Variants in ADGRB3 observed in about 807,000 individuals in gnomAD.
ADGRB3 encodes the protein brain-specific angiogenesis inhibitor 3.
A neutral mutation model predicts 193.4 loss-of-function variants in ADGRB3; 37 were observed. The observed-to-expected ratio is 0.19, with a 90% CI of 0.15 to 0.25. The LOEUF (loss-of-function observed/expected upper bound fraction) is 0.25. ADGRB3 is among the 10% of genes least tolerant of loss of function. The probability of loss-of-function intolerance (pLI) is 1.00; values close to 1 mark genes in which losing one functional copy is unlikely to be tolerated. For synonymous variants in ADGRB3, 690 were observed against 644.2 expected (o/e 1.07, Z -1.08); for missense variants, 1,637 against 1,852.9 (o/e 0.88, Z 2.14).
At chr6:69,312,478 T>C (rs949791155) in intron 20 of ADGRB3, among the ~76,000 whole-genome samples, 1 of 151,686 alleles carries the variant, frequency 6.6e-6, no homozygotes, top group Non-Finnish European at 1.5e-5. Context: ...GATTGGTACT[T>C]TTTTATAGAA....
chr6:69,156,669 T>A (rs748341881), intron 17 of ADGRB3, among the ~76,000 whole-genome samples: 1 of 152,164 alleles, frequency 6.6e-6, no homozygotes, highest in Non-Finnish European at 1.5e-5. Context: ...ACACAATCCC[T>A]TGGGTTCCAT....
chr6:68,707,288 C>T (rs1286275409), intron 3 of ADGRB3, among the ~76,000 whole-genome samples: 1 of 152,116 alleles, frequency 6.6e-6, no homozygotes, highest in Non-Finnish European at 1.5e-5. Flanking sequence ...GTTTAAATCA[C>T]ATCTGCTTGA....
intron 17 of ADGRB3, among the ~76,000 whole-genome samples, chr6:69,167,305 G>A (rs1775155443): frequency 6.6e-6 from 1 of 152,090 alleles, no homozygotes; most frequent in Non-Finnish European, 1.5e-5. Flanking sequence ...ACTTTATTCT[G>A]TATTATATAT....
At chr6:69,124,052 G>T in intron 17 of ADGRB3, among the ~76,000 whole-genome samples, 1 of 151,114 alleles carries the variant, frequency 6.6e-6, no homozygotes. Context: ...AACATTAGAG[G>T]CATCATTGAC....
intron 17 of ADGRB3, among the ~76,000 whole-genome samples, chr6:69,136,259 T>C (rs1458929238): frequency 6.6e-6 from 1 of 152,084 alleles, no homozygotes; most frequent in Non-Finnish European, 1.5e-5. Flanking sequence ...AAATAAAACA[T>C]TGGTTTATCT....
intron 3 of ADGRB3, among the ~76,000 whole-genome samples, chr6:68,760,347 C>G (rs1374197390): frequency 6.6e-6 from 1 of 152,106 alleles, no homozygotes; most frequent in Non-Finnish European, 1.5e-5. Context: ...TTTCTAGTAG[C>G]TAGTTGGATA....
In ADGRB3 at chr6:69,062,980, C is replaced by T; in HGVS notation, c.2380C>T (p.Pro794Ser). ...NSKIIVVTIR[P>S]EPKTTDSFLE... ...CAAAATCATCGTGGTCACAATAAGGCCTGAACCCAAAACAACCGATTCGTT... is the reference window on the plus strand; with the variant it reads ...CAAAATCATCGTGGTCACAATAAGGTCTGAACCCAAAACAACCGATTCGTT... Residue 794 changes from proline (P) to serine (S), a missense_variant, in exon 16 of 32, where the codon CCT (proline) becomes TCT (serine). Pro to Ser is a moderately conservative substitution (Grantham distance 74). Coordinates refer to ENST00000370598, the MANE Select transcript of ADGRB3 (RefSeq NM_001704.3). 2 of 1,612,334 alleles carry T rather than the reference C, an allele frequency of 1.2e-6. No individual in the cohort carries two copies. The highest frequency in any genetic ancestry group is 8.5e-7 in the Non-Finnish European group (1 of 1,178,896).
chr6:68,757,963 C>G (rs1766327717), intron 3 of ADGRB3, among the ~76,000 whole-genome samples: 1 of 152,056 alleles, frequency 6.6e-6, no homozygotes, highest in Admixed American at 6.6e-5. Context: ...CTCCTTATTA[C>G]ATCCTCTTGC....
chr6:68,661,164 A>T (rs1768621904), intron 3 of ADGRB3, among the ~76,000 whole-genome samples: 1 of 149,692 alleles, frequency 6.7e-6, no homozygotes. Flanking sequence ...TTTGTATATT[A>T]TATTATTAGC....
At chr6:69,318,241 A>T (rs746386527) in intron 20 of ADGRB3, among the ~76,000 whole-genome samples, 4 of 151,478 alleles carry the variant, frequency 2.6e-5, no homozygotes, top group Non-Finnish European at 4.4e-5. Flanking sequence ...ATTAACCAAG[A>T]ATGTTCACTT....
chr6:68,715,010 A>T (rs1283480107), intron 3 of ADGRB3, among the ~76,000 whole-genome samples: 1 of 151,728 alleles, frequency 6.6e-6, no homozygotes, highest in Non-Finnish European at 1.5e-5. Context: ...TACAGTGCAT[A>T]GTAGTTATAT....
intron 13 of ADGRB3, among the ~76,000 whole-genome samples, chr6:69,021,327 G>C (rs1770257377): frequency 6.6e-6 from 1 of 151,838 alleles, no homozygotes; most frequent in Admixed American, 6.6e-5. Flanking sequence ...ACTATAGATA[G>C]TACACTCCTG....
chr6:69,312,890 A>G (rs971038849), intron 20 of ADGRB3, among the ~76,000 whole-genome samples: 2 of 151,776 alleles, frequency 1.3e-5, no homozygotes, highest in African/African-American at 4.8e-5. Flanking sequence ...AATTACTGTA[A>G]CGGGTTGAGA....
intron 20 of ADGRB3, among the ~76,000 whole-genome samples, chr6:69,313,247 G>A (rs1768236597): frequency 6.6e-6 from 1 of 151,828 alleles, no homozygotes; most frequent in African/African-American, 2.4e-5. Flanking sequence ...ATCCATAGTT[G>A]TTAGAGCACC....
intron 3 of ADGRB3, among the ~76,000 whole-genome samples, chr6:68,839,511 A>T (rs1461827271): frequency 6.6e-6 from 1 of 152,180 alleles, no homozygotes; most frequent in African/African-American, 2.4e-5. Flanking sequence ...TTTGATGACC[A>T]AACTTTACAT....
intron 17 of ADGRB3, among the ~76,000 whole-genome samples, chr6:69,136,587 A>G (rs1774155158): frequency 6.6e-6 from 1 of 151,844 alleles, no homozygotes; most frequent in Admixed American, 6.6e-5. Context: ...ATTTTCTTCT[A>G]AAAATCGCCT....
chr6:69,233,544 C>A, intron 18 of ADGRB3, 128 bp downstream of exon 18: 1 of 1,249,738 alleles, frequency 8.0e-7, no homozygotes, highest in East Asian at 2.4e-5. Flanking sequence ...GGGTTCGTCT[C>A]CTCCTTAGCT....
At chr6:69,019,035 T>C (rs1383397655) in intron 13 of ADGRB3, among the ~76,000 whole-genome samples, 1 of 152,026 alleles carries the variant, frequency 6.6e-6, no homozygotes, top group Non-Finnish European at 1.5e-5. Context: ...TCTGAATATG[T>C]TCCAGTACAC....
At chr6:69,152,894 GCTATGA>G (rs1400235586) in intron 17 of ADGRB3, among the ~76,000 whole-genome samples, 1 of 152,002 alleles carries the variant, frequency 6.6e-6, no homozygotes, top group Non-Finnish European at 1.5e-5. Context: ...TACTTATATC[GCTATGA>G]CTAAATTGAG....
Sources: allele counts gnomAD v4.1 joint callset (sites outside exome capture counted in the v4.1 genomes callset), GRCh38; gene constraint gnomAD v4.1.1; transcripts MANE v1.5; gene names NCBI Gene and HGNC (gene_info 2026-07-23, HGNC 2026-07-21).